The following ZNF33A variants were observed in gnomAD, a reference collection of about 807,000 sequenced individuals.
ZNF33A encodes the protein zinc finger protein 33A.
In ZNF33A, 9 loss-of-function variants were observed where a neutral mutation model predicts 15.9. The observed-to-expected ratio is 0.57, with a 90% CI of 0.34 to 0.99. ZNF33A has a LOEUF of 0.99. ZNF33A is among the 50% of genes least tolerant of loss of function. ZNF33A has a pLI of 0.02. For missense variants in ZNF33A, 843 were observed against 941.6 expected (o/e 0.90, Z 1.37); for synonymous variants, 294 against 324.2 (o/e 0.91, Z 1.00).
Position 38,039,629 on chromosome 10 carries a change from T to A in ZNF33A, c.251-14746T>A, listed in dbSNP as rs1267367024. The A allele has an allele frequency of 2.2e-5, 10 of 450,484 alleles. 1 individual carries two copies. The East Asian group carries it at 6.3e-4, about 28-fold the overall frequency. 27.9% of individuals were successfully genotyped at this position (450,484 alleles called of 1,614,324 possible). ...GAGTTGGTTTTAGTTGTTTTTGTTT[T>A]ATGGATTTTCCCATTTTGTTGAAGT... On this transcript the variant is annotated intron_variant, in intron 4 of 4. Transcript: ENST00000432900.
chr10:38,060,677 T>TA (rs1460453990), downstream of ZNF33A, among the ~76,000 whole-genome samples: 1 of 152,164 alleles, frequency 6.6e-6, no homozygotes, highest in East Asian at 1.9e-4. Flanking sequence ...AGGAAGCAGT[T>TA]ACAACCATTG....
intron 4 of ZNF33A, among the ~76,000 whole-genome samples, chr10:38,047,141 T>A (rs1403623888): frequency 7.8e-6 from 1 of 128,642 alleles, no homozygotes; most frequent in Non-Finnish European, 1.5e-5. Context: ...ATTGCACCTC[T>A]GCACTGCAGC....
At chr10:38,017,549 AT>A (rs2064516717) in intron 4 of ZNF33A, 163 bp downstream of exon 4, 2 of 507,484 alleles carry the variant, frequency 3.9e-6, no homozygotes, top group Non-Finnish European at 7.0e-6. Flanking sequence ...AAACTTCCAG[AT>A]ACTACTCACA....
At chr10:38,032,590 C>T (rs1409458904) in intron 4 of ZNF33A, among the ~76,000 whole-genome samples, 1 of 150,246 alleles carries the variant, frequency 6.7e-6, no homozygotes, top group Non-Finnish European at 1.5e-5. Context: ...ATTACACAGC[C>T]TCCTGAATAG....
Position 38,016,744 on chromosome 10 carries a change from A to G in ZNF33A, c.10-127A>G, listed in dbSNP as rs950169491. The G allele has an allele frequency of 6.1e-6, 7 of 1,144,050 alleles. No individual in the cohort carries two copies. The Admixed American group carries it at 1.5e-4, about 25-fold the overall frequency. 70.9% of individuals were successfully genotyped at this position (1,144,050 alleles called of 1,614,324 possible). A position where few individuals can be genotyped will look rare whatever the true frequency, so the allele number is the denominator to read the frequency against. On this transcript the variant is annotated intron_variant, in intron 2 of 4. Transcript: ENST00000432900. ...ATTAATATCTTAATGCATTAATGGC[A>G]GAATATTTCTGTTATGATTTCTTTT...
At chr10:38,021,224 G>A (rs958857594) in intron 4 of ZNF33A, among the ~76,000 whole-genome samples, 3 of 152,130 alleles carry the variant, frequency 2.0e-5, no homozygotes, top group Non-Finnish European at 4.4e-5. Context: ...CCAGAGCAAA[G>A]AAAATTATTA....
intron 4 of ZNF33A, among the ~76,000 whole-genome samples, chr10:38,025,766 A>G (rs1033882637): frequency 5.3e-5 from 8 of 152,262 alleles, no homozygotes; most frequent in African/African-American, 1.7e-4. Flanking sequence ...GGAGCATTTT[A>G]ACGTATCTTG....
At chr10:38,035,710 C>T (rs1035871991) in intron 4 of ZNF33A, among the ~76,000 whole-genome samples, 17 of 152,026 alleles carry the variant, frequency 1.1e-4, no homozygotes, top group South Asian at 6.2e-4. Flanking sequence ...CTCATGACTT[C>T]GGTGCAATGG....
chr10:38,033,795 C>A (rs2065321796), intron 4 of ZNF33A, among the ~76,000 whole-genome samples: 1 of 151,590 alleles, frequency 6.6e-6, no homozygotes, highest in African/African-American at 2.4e-5. Context: ...CTCACTGCAA[C>A]CTCTGTCTCC....
rs752487517 is a variant in ZNF33A at position 38,054,642 on chromosome 10, G to A, written c.518G>A (p.Cys173Tyr). ...AAAAAGTCTGATGAATTTAATGCCT[G>A]TGGGAAATTGTTACTCAATATTAAG... ...LGKKSDEFNA[C>Y]GKLLLNIKHD... Residue 173 changes from cysteine (C) to tyrosine (Y), a missense_variant, in exon 5 of 5, where the codon TGT becomes TAT. Physicochemically the swap from Cys to Tyr is radical, Grantham distance 194. Transcript: ENST00000432900. The A allele has an allele frequency of 2.5e-6, 4 of 1,612,560 alleles. No homozygotes were observed. Among genetic ancestry groups the A allele is most frequent in the African/African-American group, 2.7e-5 (2 of 74,818 alleles).
At chr10:38,015,391 T>A (rs1428832448) in intron 2 of ZNF33A, among the ~76,000 whole-genome samples, 2 of 152,146 alleles carry the variant, frequency 1.3e-5, no homozygotes, top group Admixed American at 1.3e-4. Context: ...CTGCAACGTC[T>A]GCCTCCCAGG....
intron 4 of ZNF33A, among the ~76,000 whole-genome samples, chr10:38,045,807 C>T (rs2065923024): frequency 2.0e-5 from 3 of 152,158 alleles, no homozygotes; most frequent in Non-Finnish European, 2.9e-5. Context: ...CTTGCACTCA[C>T]CCACACTCTG....
rs530986675 is a variant in ZNF33A, at chr10:38,059,754, G to A, written c.*3194G>A. ...AGAGGTGATTTTTAAGGCAGTGAAA[G>A]TACTCTCTAGGGTACTGTAATTTGT... On this transcript the variant is annotated 3_prime_UTR_variant, in exon 5 of 5. Coordinates refer to ENST00000432900, the MANE Select transcript of ZNF33A (RefSeq NM_006954.2). 6.6e-6 allele frequency: 1 copy of A among 152,196 alleles called. No individual in the cohort carries two copies. Among genetic ancestry groups the A allele is most frequent in the African/African-American group, 2.4e-5 (1 of 41,452 alleles). The allele number at this position is 152,196 out of a possible 1,614,324, so 9.4% of individuals were successfully genotyped here. A position where few individuals can be genotyped will look rare whatever the true frequency, so the allele number is the denominator to read the frequency against.
At chr10:38,010,813 A>T (rs1403611316) in intron 1 of ZNF33A, 30 bp downstream of exon 1, 1 of 1,596,952 alleles carries the variant, frequency 6.3e-7, no homozygotes, top group Non-Finnish European at 8.5e-7. Flanking sequence ...GCAGGGAGAG[A>T]GAGGGAGCCC....
intron 4 of ZNF33A, among the ~76,000 whole-genome samples, chr10:38,051,215 A>G (rs2066185693): frequency 6.6e-6 from 1 of 152,348 alleles, no homozygotes; most frequent in South Asian, 2.1e-4. Context: ...GTATAAATTT[A>G]CATGTAAAAT....
intron 4 of ZNF33A, among the ~76,000 whole-genome samples, chr10:38,046,225 A>G (rs2065941127): frequency 6.6e-6 from 1 of 152,160 alleles, no homozygotes; most frequent in Non-Finnish European, 1.5e-5. Flanking sequence ...GGAGATCTGT[A>G]AAGGGGCCTC....
upstream of ZNF33A, chr10:38,010,500 C>A (rs1180022066): frequency 3.2e-6 from 2 of 621,006 alleles, no homozygotes; most frequent in South Asian, 1.8e-5. Context: ...GGGCTGCAGG[C>A]AGTTCCAGCA....
intron 4 of ZNF33A, among the ~76,000 whole-genome samples, chr10:38,031,598 AAAG>A (rs2065212728): frequency 6.6e-6 from 1 of 151,874 alleles, no homozygotes; most frequent in South Asian, 2.1e-4. Context: ...AAAAAAAAAA[AAAG>A]AATTGTCTCC....
chr10:38,066,035 C>T (rs1409780612), downstream of ZNF33A, among the ~76,000 whole-genome samples: 3 of 152,096 alleles, frequency 2.0e-5, no homozygotes. Context: ...CACTCTGACA[C>T]CTGGACTGGG....
Sources: allele counts gnomAD v4.1 joint callset (sites outside exome capture counted in the v4.1 genomes callset), GRCh38; gene constraint gnomAD v4.1.1; transcripts MANE v1.5; gene names NCBI Gene and HGNC (gene_info 2026-07-23, HGNC 2026-07-21).